Variants in GALNT1 observed in about 807,000 individuals in gnomAD.
GALNT1 encodes the protein polypeptide N-acetylgalactosaminyltransferase 1.
In GALNT1, 17 loss-of-function variants were observed where a neutral mutation model predicts 65.7. The ratio of observed to expected loss-of-function variants is 0.26; its 90% CI spans 0.18 to 0.39. GALNT1 has a LOEUF of 0.39. Among genes scored for constraint, GALNT1 ranks in the 10% least tolerant of loss-of-function variants. GALNT1 has a pLI of 1.00. For synonymous variants in GALNT1, 210 were observed against 219.7 expected (o/e 0.96, Z 0.39); for missense variants, 460 against 672.8 (o/e 0.68, Z 3.50).
chr18:35,710,003 AC>A lies in GALNT1; in HGVS notation c.*234del. ...AATGAGACTGTGCACACTGATGTTT[AC>A]AAGATTGAAAGAGTCTTTCTCCGAA... On this transcript the variant is annotated 3_prime_UTR_variant, in exon 12 of 12. Coordinates refer to ENST00000269195, the MANE Select transcript of GALNT1 (RefSeq NM_020474.4). 2.3e-6 allele frequency: 1 copy of A among 435,764 alleles called. No individual in the cohort carries two copies. The allele number at this position is 435,764 out of a possible 1,614,324, so 27.0% of individuals were successfully genotyped here. A position where few individuals can be genotyped will look rare whatever the true frequency, so the allele number is the denominator to read the frequency against.
At chr18:35,588,744 C>G (rs1432286927) in intron 1 of GALNT1, among the ~76,000 whole-genome samples, 3 of 151,940 alleles carry the variant, frequency 2.0e-5, no homozygotes, top group Non-Finnish European at 4.4e-5. Flanking sequence ...CTAAAATTTG[C>G]TTTAGGTTTT....
intron 9 of GALNT1, among the ~76,000 whole-genome samples, chr18:35,702,198 C>CT (rs35362631): frequency 6.6e-6 from 1 of 151,938 alleles, no homozygotes; most frequent in African/African-American, 2.4e-5. Flanking sequence ...AATTAGTTAC[C>CT]TTTTTTAAAA....
chr18:35,667,068 T>C (rs2047560112), intron 3 of GALNT1, among the ~76,000 whole-genome samples: 1 of 152,230 alleles, frequency 6.6e-6, no homozygotes, highest in South Asian at 2.1e-4. Context: ...CTAACAGTTT[T>C]GTCTTACGAA....
intron 3 of GALNT1, among the ~76,000 whole-genome samples, chr18:35,671,535 T>C (rs933768070): frequency 5.3e-5 from 8 of 152,238 alleles, no homozygotes; most frequent in African/African-American, 1.9e-4. Context: ...TATTTGAACT[T>C]CTTTTAGGTT....
At chr18:35,653,527 C>G (rs2047336875) in intron 1 of GALNT1, among the ~76,000 whole-genome samples, 1 of 152,190 alleles carries the variant, frequency 6.6e-6, no homozygotes, top group Non-Finnish European at 1.5e-5. Flanking sequence ...AGACACAGTG[C>G]AGACTCTGTT....
intron 9 of GALNT1, among the ~76,000 whole-genome samples, chr18:35,697,203 A>T (rs1013249141): frequency 6.6e-6 from 1 of 152,164 alleles, no homozygotes; most frequent in African/African-American, 2.4e-5. Context: ...TGTATGTATT[A>T]TCTCATTTAG....
chr18:35,678,251 A>G (rs1430800054), intron 4 of GALNT1, among the ~76,000 whole-genome samples: 2 of 152,178 alleles, frequency 1.3e-5, no homozygotes, highest in Non-Finnish European at 2.9e-5. Flanking sequence ...TCTAAGTTTC[A>G]GGAATGATCT....
chr18:35,699,057 C>CT (rs1462519100), intron 9 of GALNT1, among the ~76,000 whole-genome samples: 1 of 152,168 alleles, frequency 6.6e-6, no homozygotes, highest in Non-Finnish European at 1.5e-5. Context: ...TACTGCTACC[C>CT]TGTCATTTCA....
chr18:35,620,007 A>G (rs972779037), intron 1 of GALNT1, among the ~76,000 whole-genome samples: 62 of 152,252 alleles, frequency 4.1e-4, no homozygotes, highest in African/African-American at 1.4e-3. Flanking sequence ...GTTTGTTAGC[A>G]TTAGGTTTGG....
At chr18:35,672,933 GAAATT>G (rs1285633975) in intron 3 of GALNT1, among the ~76,000 whole-genome samples, 1 of 152,136 alleles carries the variant, frequency 6.6e-6, no homozygotes, top group Non-Finnish European at 1.5e-5. Context: ...TGGACTTAGG[GAAATT>G]AAATGATTTG....
At chr18:35,679,001 TAA>T (rs1487195141) in intron 4 of GALNT1, among the ~76,000 whole-genome samples, 6 of 152,070 alleles carry the variant, frequency 3.9e-5, no homozygotes, top group African/African-American at 1.2e-4. Flanking sequence ...TTAATCAAAT[TAA>T]AGAGATACTT....
intron 3 of GALNT1, among the ~76,000 whole-genome samples, chr18:35,666,960 T>C (rs1207764515): frequency 6.6e-6 from 1 of 152,196 alleles, no homozygotes; most frequent in East Asian, 1.9e-4. Context: ...AAAAAAGTTT[T>C]AGAAGACTTT....
In GALNT1 at chr18:35,692,233, C is replaced by T; in HGVS notation, c.1212C>T (p.His404=). The T allele has an allele frequency of 6.2e-7, 1 of 1,610,302 alleles. No homozygotes were observed. The highest frequency in any genetic ancestry group is 8.5e-7 in the Non-Finnish European group (1 of 1,177,044). ...GDISSRVGLR[H]KLQCKPFSWY... Reference sequence around the variant, plus strand: ...TATCGTCAAGAGTTGGTCTAAGACACAAACTACAATGCAAACCTTTTTCCT... The same window carrying T: ...TATCGTCAAGAGTTGGTCTAAGACATAAACTACAATGCAAACCTTTTTCCT... Residue 404 remains histidine (H), a synonymous_variant, in exon 9 of 12, where the codon CAC becomes CAT. Coordinates refer to ENST00000269195, the MANE Select transcript of GALNT1 (RefSeq NM_020474.4).
At chr18:35,639,914 A>G (rs2047139937) in intron 1 of GALNT1, among the ~76,000 whole-genome samples, 2 of 152,122 alleles carry the variant, frequency 1.3e-5, no homozygotes, top group African/African-American at 4.8e-5. Flanking sequence ...CTCCTGCCTC[A>G]GCCTCCCGAG....
chr18:35,666,422 C>T (rs2047550008), intron 3 of GALNT1, among the ~76,000 whole-genome samples: 1 of 152,092 alleles, frequency 6.6e-6, no homozygotes, highest in Non-Finnish European at 1.5e-5. Context: ...AAAATTTAAA[C>T]ATTGTTGAAG....
intron 1 of GALNT1, among the ~76,000 whole-genome samples, chr18:35,634,094 A>C (rs969949585): frequency 7.2e-5 from 11 of 152,198 alleles, no homozygotes; most frequent in African/African-American, 2.4e-4. Context: ...ATTTAATCTG[A>C]GAAGGTGCCT....
chr18:35,625,748 C>T (rs907093724), intron 1 of GALNT1, among the ~76,000 whole-genome samples: 1 of 152,110 alleles, frequency 6.6e-6, no homozygotes, highest in Non-Finnish European at 1.5e-5. Context: ...AAACTGCTCC[C>T]CTGGTAGGCG....
chr18:35,687,759 A>ATCT (rs2047890894), intron 6 of GALNT1, among the ~76,000 whole-genome samples: 1 of 152,150 alleles, frequency 6.6e-6, no homozygotes, highest in Non-Finnish European at 1.5e-5. Context: ...TGGAATAAAA[A>ATCT]TCTTCATGCT....
chr18:35,595,979 G>A (rs1451568794), intron 1 of GALNT1: 2 of 152,132 alleles, frequency 1.3e-5, no homozygotes, highest in Non-Finnish European at 2.9e-5. Flanking sequence ...TTAAATTTGG[G>A]GTGCATTTTG....
Sources: gnomAD v4.1 joint callset for allele counts (sites outside exome capture counted in the v4.1 genomes callset) on GRCh38, gnomAD v4.1.1 for gene constraint, MANE v1.5 for transcripts, NCBI Gene and HGNC (gene_info 2026-07-23, HGNC 2026-07-21) for gene names.